ZNF407: variants seen among roughly 807,000 people sequenced by gnomAD.
The protein encoded by ZNF407 is zinc finger protein 407.
Under a neutral mutation model 131.2 loss-of-function variants are expected in ZNF407, and 17 were observed. The observed-to-expected ratio is 0.13, with a 90% CI of 0.09 to 0.19. ZNF407 has a LOEUF of 0.19. ZNF407 is among the 10% of genes least tolerant of loss of function. The probability of loss-of-function intolerance (pLI) is 1.00; values close to 1 mark genes in which losing one functional copy is unlikely to be tolerated. For missense variants in ZNF407, 2,681 were observed against 2,830.6 expected (o/e 0.95, Z 1.20); for synonymous variants, 1,156 against 1,062.0 (o/e 1.09, Z -1.72).
At chr18:74,752,187 C>G (rs550961805) in intron 3 of ZNF407, among the ~76,000 whole-genome samples, 1 of 152,078 alleles carries the variant, frequency 6.6e-6, no homozygotes, top group Non-Finnish European at 1.5e-5. Flanking sequence ...AGACGTTTCT[C>G]TTCATATCCT....
intron 3 of ZNF407, among the ~76,000 whole-genome samples, chr18:74,662,359 T>A (rs73971131): frequency 0.027 from 4,097 of 152,312 alleles, 169 homozygotes; most frequent in African/African-American, 0.088. Flanking sequence ...TTTTAATCCC[T>A]CTGTTATCAT....
chr18:74,808,146 T>A (rs1476355551), intron 4 of ZNF407, among the ~76,000 whole-genome samples: 1 of 152,164 alleles, frequency 6.6e-6, no homozygotes, highest in African/African-American at 2.4e-5. Flanking sequence ...CCCGAGTAGC[T>A]GGGATTACAT....
chr18:74,647,542 C>G (rs1211082791), intron 3 of ZNF407, among the ~76,000 whole-genome samples: 1 of 152,134 alleles, frequency 6.6e-6, no homozygotes, highest in African/African-American at 2.4e-5. Flanking sequence ...ATTTCCTTTG[C>G]CTGTTCCGTA....
chr18:74,938,760 A>G (rs1234693138), intron 8 of ZNF407, among the ~76,000 whole-genome samples: 2 of 152,244 alleles, frequency 1.3e-5, no homozygotes, highest in African/African-American at 4.8e-5. Flanking sequence ...AGAGGGAGAA[A>G]ACGTTCCCAC....
intron 8 of ZNF407, among the ~76,000 whole-genome samples, chr18:75,011,466 A>G (rs918302109): frequency 4.6e-5 from 7 of 152,168 alleles, no homozygotes; most frequent in Non-Finnish European, 8.8e-5. Flanking sequence ...ACAAATGAAC[A>G]TTTGGGGTTT....
chr18:74,920,505 A>G lies in ZNF407; in HGVS notation c.5250-9A>G. On this transcript the variant is annotated splice_polypyrimidine_tract_variant and intron_variant, in intron 7 of 8. Coordinates refer to ENST00000299687, the MANE Select transcript of ZNF407 (RefSeq NM_017757.3). ...TTAATTAGATTTACTTTTCTGTCTT[A>G]CTTGGTAGGTCAAACTGTGCTGAAA... 1 of 1,566,616 alleles carries G rather than the reference A, an allele frequency of 6.4e-7. No individual in the cohort carries two copies. The highest frequency in any genetic ancestry group is 8.7e-7 in the Non-Finnish European group (1 of 1,146,806).
chr18:74,641,247 C>T (rs980948577), intron 3 of ZNF407, 125 bp downstream of exon 3: 16 of 671,502 alleles, frequency 2.4e-5, no homozygotes, highest in African/African-American at 2.1e-4. Context: ...CCCTCCTTTC[C>T]ATTGTTATGG....
Position 74,825,710 on chromosome 18 carries a change from A to G in ZNF407, c.4877+44208A>G, listed in dbSNP as rs751560600. 1.7e-3 allele frequency among the ~76,000 whole-genome samples: 253 copies of G among 152,302 alleles called. 1 individual carries two copies. Among genetic ancestry groups the G allele is most frequent in the Non-Finnish European group, 2.7e-3 (184 of 68,016 alleles). On this transcript the variant is annotated intron_variant, in intron 4 of 8. Coordinates refer to ENST00000299687, the MANE Select transcript of ZNF407 (RefSeq NM_017757.3). The stretch of plus-strand genomic sequence containing the variant: ...TGGTTTTGTCAGGTTTTGCCTTTCT[A>G]TATTTTAAATGAGAGGCTTATGATG...
chr18:74,974,745 A>G (rs557260160), intron 8 of ZNF407, among the ~76,000 whole-genome samples: 1 of 152,168 alleles, frequency 6.6e-6, no homozygotes, highest in East Asian at 1.9e-4. Flanking sequence ...TCATGCAATG[A>G]AAGTTGTGCA....
intron 3 of ZNF407, among the ~76,000 whole-genome samples, chr18:74,750,171 A>C (rs1042923208): frequency 3.3e-5 from 5 of 152,092 alleles, no homozygotes; most frequent in African/African-American, 1.2e-4. Context: ...TGTACATTTT[A>C]CTTCTTCTTT....
At chr18:74,618,383 C>G (rs937214594) in intron 1 of ZNF407, among the ~76,000 whole-genome samples, 2 of 152,110 alleles carry the variant, frequency 1.3e-5, no homozygotes, top group African/African-American at 2.4e-5. Flanking sequence ...CCCAGTCACC[C>G]ATTCTTGAGT....
At chr18:75,058,051 C>T (rs1024853151) in intron 8 of ZNF407, among the ~76,000 whole-genome samples, 3 of 152,136 alleles carry the variant, frequency 2.0e-5, no homozygotes, top group Admixed American at 6.5e-5. Context: ...GAGTCAGGTA[C>T]GCAGCCCTGT....
rs570439323 is a variant in ZNF407, at chr18:74,599,209, A to G, written c.-54+1272A>G. Reference sequence around the variant, plus strand: ...TTTACAAACTGAGACTCACTTTGCTATATACAAAATTACTGCTACTGGTAC... The same window carrying G: ...TTTACAAACTGAGACTCACTTTGCTGTATACAAAATTACTGCTACTGGTAC... On this transcript the variant is annotated intron_variant, in intron 1 of 8. Coordinates refer to ENST00000299687, the MANE Select transcript of ZNF407 (RefSeq NM_017757.3). Among the ~76,000 whole-genome samples, 61 of 152,358 alleles carry G rather than the reference A, an allele frequency of 4.0e-4. 1 individual carries two copies. Among genetic ancestry groups the G allele is most frequent in the Admixed American group, 2.7e-3 (42 of 15,310 alleles).
intron 3 of ZNF407, among the ~76,000 whole-genome samples, chr18:74,756,360 G>A (rs958521242): frequency 7.9e-5 from 12 of 152,096 alleles, no homozygotes; most frequent in Admixed American, 7.9e-4. Context: ...CAAAGGGGCA[G>A]GTTGGAATTT....
At chr18:74,967,473 C>G (rs1271015105) in intron 8 of ZNF407, among the ~76,000 whole-genome samples, 1 of 152,154 alleles carries the variant, frequency 6.6e-6, no homozygotes, top group Admixed American at 6.5e-5. Context: ...TTGTTTCTGA[C>G]AGTGAATTAT....
intron 8 of ZNF407, among the ~76,000 whole-genome samples, chr18:75,049,010 G>A (rs1230699933): frequency 6.9e-6 from 1 of 145,968 alleles, no homozygotes; most frequent in African/African-American, 2.5e-5. Flanking sequence ...TGCCAGCCAC[G>A]CTCCTTGACA....
chr18:74,765,382 A>G (rs1969206165), intron 3 of ZNF407, among the ~76,000 whole-genome samples: 1 of 151,918 alleles, frequency 6.6e-6, no homozygotes, highest in East Asian at 1.9e-4. Flanking sequence ...GTTTCTGTTT[A>G]TTTTGTAGTT....
chr18:74,886,420 G>GAAGAGGAAATAT (rs1971310324), intron 6 of ZNF407, among the ~76,000 whole-genome samples: 1 of 152,084 alleles, frequency 6.6e-6, no homozygotes, highest in African/African-American at 2.4e-5. Flanking sequence ...TTACCCAAGG[G>GAAGAGGAAATAT]ATGTTCATAT....
intron 8 of ZNF407, among the ~76,000 whole-genome samples, chr18:75,021,297 C>A (rs1973107350): frequency 6.6e-6 from 1 of 151,944 alleles, no homozygotes; most frequent in African/African-American, 2.4e-5. Flanking sequence ...AAGACAGGGT[C>A]CTGCTCTGTC....
Sources: gnomAD v4.1 joint callset for allele counts (sites outside exome capture counted in the v4.1 genomes callset) on GRCh38, gnomAD v4.1.1 for gene constraint, MANE v1.5 for transcripts, NCBI Gene and HGNC (gene_info 2026-07-23, HGNC 2026-07-21) for gene names.